Variants in FAAP20 observed in about 807,000 individuals in gnomAD.
FAAP20 encodes the protein FA core complex associated protein 20.
FAAP20 carries 12 observed loss-of-function variants against 16.2 expected under a neutral mutation model. That is an observed-to-expected ratio of 0.74 (90% confidence interval 0.48 to 1.20). The LOEUF (loss-of-function observed/expected upper bound fraction) is 1.20, where lower values mean the gene tolerates loss of function less well. Ranked by LOEUF, FAAP20 falls within the 50% of genes most tolerant of loss-of-function variation. The pLI is 0.00. For synonymous variants in FAAP20, 141 were observed against 110.7 expected (o/e 1.27, Z -1.72); for missense variants, 288 against 245.8 (o/e 1.17, Z -1.15).
upstream of FAAP20, chr1:2,198,062 A>T: frequency 1.5e-6 from 2 of 1,291,534 alleles, no homozygotes; most frequent in South Asian, 1.2e-5. Context: ...GGTGATGGTG[A>T]TGGTGGAGGT....
chr1:2,194,467 C>G (rs987384745), intron 1 of FAAP20, among the ~76,000 whole-genome samples: 3 of 124,464 alleles, frequency 2.4e-5, no homozygotes, highest in African/African-American at 9.0e-5. Flanking sequence ...ATGGGAGAGG[C>G]GCGGGAGGGC....
chr1:2,185,799 C>T (rs562214108), downstream of FAAP20, among the ~76,000 whole-genome samples: 158 of 152,356 alleles, frequency 1.0e-3, no homozygotes, highest in Middle Eastern at 0.017. Flanking sequence ...CACGATGCCT[C>T]GTGCGACGCA....
At chr1:2,185,274 G>T (rs1373359874), downstream of FAAP20, 2 of 716,608 alleles carry the variant, frequency 2.8e-6, no homozygotes, top group Non-Finnish European at 5.2e-6. Context: ...TGCCGAGGGG[G>T]CTGTCATGCG....
At chr1:2,191,639 A>G in intron 3 of FAAP20, 1 of 166,418 alleles carries the variant, frequency 6.0e-6, no homozygotes. Flanking sequence ...TACTCAGGAG[A>G]CTGAGGCAGG....
At chr1:2,211,399 TTATATATATATA>T (rs1158545722), downstream of FAAP20, among the ~76,000 whole-genome samples, 36 of 21,002 alleles carry the variant, frequency 1.7e-3, 1 homozygote, top group East Asian at 8.0e-3. Flanking sequence ...CTGGCTAATT[TTATATATATATA>T]TATATATATA....
chr1:2,206,062 G>A (rs1313921331), intron 3 of FAAP20, among the ~76,000 whole-genome samples: 1 of 152,260 alleles, frequency 6.6e-6, no homozygotes, highest in Non-Finnish European at 1.5e-5. Context: ...CCATCATTAC[G>A]TTCGCATGGC....
chr1:2,203,564 C>G, upstream of FAAP20: 1 of 986,128 alleles, frequency 1.0e-6, no homozygotes, highest in Non-Finnish European at 1.2e-6. Context: ...TGCCCCTCAC[C>G]TGGGGTGGAG....
downstream of FAAP20, chr1:2,185,883 A>G (rs1269954110): frequency 2.7e-6 from 1 of 363,874 alleles, no homozygotes; most frequent in Non-Finnish European, 5.3e-6. Flanking sequence ...TGTGCATGTG[A>G]CGGACCCCAG....
At chr1:2,202,520 G>C (rs1689090442), upstream of FAAP20, among the ~76,000 whole-genome samples, 1 of 152,128 alleles carries the variant, frequency 6.6e-6, no homozygotes, top group Non-Finnish European at 1.5e-5. Context: ...CTGGAGTCTA[G>C]TGGCATGATC....
intron 3 of FAAP20, 180 bp downstream of exon 3, chr1:2,193,459 C>T (rs1211740340): frequency 2.0e-6 from 2 of 978,204 alleles, no homozygotes; most frequent in Non-Finnish European, 2.9e-6. Flanking sequence ...GCAGGTGGAC[C>T]CCAGACCCGT....
chr1:2,197,564 G>T (rs894797916), upstream of FAAP20, among the ~76,000 whole-genome samples: 6 of 152,224 alleles, frequency 3.9e-5, no homozygotes, highest in Middle Eastern at 3.2e-3. Context: ...ACCCCAGTGG[G>T]CCTCATTTAC....
chr1:2,208,299 G>C (rs971281399), downstream of FAAP20, among the ~76,000 whole-genome samples: 1 of 152,072 alleles, frequency 6.6e-6, no homozygotes, highest in African/African-American at 2.4e-5. Flanking sequence ...TGCAGTGCAC[G>C]TCCTCCAGCC....
At chr1:2,198,386 G>T, upstream of FAAP20, 1 of 376,760 alleles carries the variant, frequency 2.7e-6, no homozygotes, top group Non-Finnish European at 4.9e-6. Flanking sequence ...ATTTATGGAT[G>T]ATGAATCAGG....
chr1:2,200,114 G>C (rs1191853507), upstream of FAAP20: 1 of 151,148 alleles, frequency 6.6e-6, no homozygotes, highest in East Asian at 1.9e-4. Context: ...AAGGAAAATT[G>C]GCCAGGTGCT....
intron 1 of FAAP20, 36 bp from the exon 2 acceptor site, chr1:2,194,169 A>C: frequency 6.2e-7 from 1 of 1,608,678 alleles, no homozygotes; most frequent in Non-Finnish European, 8.5e-7. Context: ...GGGGGTACTC[A>C]GTAGCGGAAA....
At chr1:2,197,290 C>T (rs759951394), upstream of FAAP20, among the ~76,000 whole-genome samples, 17 of 152,248 alleles carry the variant, frequency 1.1e-4, no homozygotes, top group Non-Finnish European at 2.5e-4. Flanking sequence ...AGCATCCTTC[C>T]AGCCCCTCCC....
At chr1:2,192,944 G>A (rs774911040) in intron 3 of FAAP20, 168 of 1,303,888 alleles carry the variant, frequency 1.3e-4, no homozygotes, top group African/African-American at 8.7e-4. Flanking sequence ...TTTGGACTCC[G>A]GTGCCTTCGC....
chr1:2,189,797 C>T lies in FAAP20; in HGVS notation c.471-16G>A, dbSNP rs1687964015. The T allele has an allele frequency of 1.2e-6, 2 of 1,600,636 alleles. No homozygotes were observed. Among genetic ancestry groups the T allele is most frequent in the Non-Finnish European group, 1.7e-6 (2 of 1,168,682 alleles). Reference sequence around the variant, plus strand: ...CTGGGTCAGCCTGCAAGGGAGGGGCCACACTCACTCGGCCACCTCCGCGGC... The same window carrying T: ...CTGGGTCAGCCTGCAAGGGAGGGGCTACACTCACTCGGCCACCTCCGCGGC... On this transcript the variant is annotated splice_polypyrimidine_tract_variant and intron_variant, in intron 3 of 3. Coordinates refer to ENST00000378546, the MANE Select transcript of FAAP20 (RefSeq NM_182533.4).
At chr1:2,185,605 G>C, downstream of FAAP20, 1 of 681,958 alleles carries the variant, frequency 1.5e-6, no homozygotes, top group South Asian at 1.6e-5. Flanking sequence ...AGCCGCTGTG[G>C]TCTAGGGTGA....
Sources: allele counts gnomAD v4.1 joint callset (sites outside exome capture counted in the v4.1 genomes callset), GRCh38; gene constraint gnomAD v4.1.1; transcripts MANE v1.5; gene names NCBI Gene and HGNC (gene_info 2026-07-23, HGNC 2026-07-21).